The following SMYD3 variants were observed in gnomAD, a reference collection of about 807,000 sequenced individuals.
SMYD3 encodes histone-lysine N-methyltransferase SMYD3.
A neutral mutation model predicts 57.7 loss-of-function variants in SMYD3; 36 were observed. That is an observed-to-expected ratio of 0.62 (90% confidence interval 0.48 to 0.82). SMYD3 has a LOEUF of 0.82. Among genes scored for constraint, SMYD3 ranks in the 40% least tolerant of loss-of-function variants. The probability of loss-of-function intolerance (pLI) is 0.00; values close to 1 mark genes in which losing one functional copy is unlikely to be tolerated. For synonymous variants in SMYD3, 211 were observed against 195.0 expected, an observed-to-expected ratio of 1.08 and a Z score of -0.68; for missense variants, 515 against 538.8, an observed-to-expected ratio of 0.96 and a Z score of 0.44.
At chr1:245,799,263 C>T (rs904019623) in intron 10 of SMYD3, among the ~76,000 whole-genome samples, 8 of 152,254 alleles carry the variant, frequency 5.3e-5, no homozygotes, top group Middle Eastern at 3.4e-3. Context: ...AGAGAGGGGC[C>T]GAGGGGAGGG....
At chr1:246,145,066 G>A (rs1257873510) in intron 5 of SMYD3, among the ~76,000 whole-genome samples, 1 of 152,200 alleles carries the variant, frequency 6.6e-6, no homozygotes, top group Non-Finnish European at 1.5e-5. Context: ...TCAGGCTGGA[G>A]TACAGTGGCT....
At chr1:246,324,574 C>T (rs556742243) in intron 5 of SMYD3, among the ~76,000 whole-genome samples, 2 of 151,954 alleles carry the variant, frequency 1.3e-5, no homozygotes, top group African/African-American at 4.8e-5. Context: ...TTGTTGACAG[C>T]GTAAATTCAG....
intron 5 of SMYD3, among the ~76,000 whole-genome samples, chr1:246,154,431 C>G (rs546756233): frequency 6.6e-6 from 1 of 152,130 alleles, no homozygotes; most frequent in Non-Finnish European, 1.5e-5. Context: ...ATTTGACCCC[C>G]GCTCACGGCA....
intron 5 of SMYD3, among the ~76,000 whole-genome samples, chr1:246,257,588 C>T (rs767353352): frequency 6.6e-6 from 1 of 152,230 alleles, no homozygotes; most frequent in African/African-American, 2.4e-5. Context: ...CTACTCTGTG[C>T]CCTTTAAGTA....
chr1:246,196,741 T>TA (rs1316281808), intron 5 of SMYD3, among the ~76,000 whole-genome samples: 1 of 152,122 alleles, frequency 6.6e-6, no homozygotes, highest in African/African-American at 2.4e-5. Flanking sequence ...TCAAGCAGCT[T>TA]AAAAAATTTA....
intron 5 of SMYD3, among the ~76,000 whole-genome samples, chr1:245,986,878 G>A (rs2058716263): frequency 6.6e-6 from 1 of 152,210 alleles, no homozygotes; most frequent in African/African-American, 2.4e-5. Context: ...GGTGGATACA[G>A]CAAATAAACA....
chr1:246,443,960 C>T (rs1211415346), intron 1 of SMYD3, among the ~76,000 whole-genome samples: 6 of 152,022 alleles, frequency 3.9e-5, no homozygotes, highest in Non-Finnish European at 8.8e-5. Flanking sequence ...TAAACCCTCC[C>T]TCACCACCCA....
intron 5 of SMYD3, among the ~76,000 whole-genome samples, chr1:246,039,836 T>C (rs990289502): frequency 3.3e-5 from 5 of 152,220 alleles, no homozygotes; most frequent in African/African-American, 1.2e-4. Context: ...ATGACCTATA[T>C]TGTATTTCAA....
chr1:246,301,642 A>G (rs1037802739), intron 5 of SMYD3, among the ~76,000 whole-genome samples: 2 of 152,154 alleles, frequency 1.3e-5, no homozygotes, highest in African/African-American at 4.8e-5. Flanking sequence ...ACACAATAAC[A>G]TTTCTGACAT....
At position 245,858,641 on chromosome 1, in the gene SMYD3, C is replaced by T. The variant is rs201082329; in HGVS notation, c.931G>A (p.Ala311Thr). The T allele has an allele frequency of 1.2e-6, 2 of 1,614,204 alleles. No homozygotes were observed. Among genetic ancestry groups the T allele is most frequent in the Non-Finnish European group, 1.7e-6 (2 of 1,180,022 alleles). Reference protein sequence around the residue: ...KWEQVLAMCQAIISSNSERLP... With the variant: ...KWEQVLAMCQTIISSNSERLP... ...CGTTCAGAATTGCTGCTTATGATTGCCTGGCACATGGCCAGAACCTGCTCC... is the reference window on the plus strand; with the variant it reads ...CGTTCAGAATTGCTGCTTATGATTGTCTGGCACATGGCCAGAACCTGCTCC... Residue 311 changes from alanine (A) to threonine (T), a missense_variant, in exon 10 of 12, where the codon GCA becomes ACA. Coordinates refer to ENST00000490107, the MANE Select transcript of SMYD3 (RefSeq NM_001167740.2).
At chr1:245,825,039 A>G (rs572575996) in intron 10 of SMYD3, among the ~76,000 whole-genome samples, 1 of 152,272 alleles carries the variant, frequency 6.6e-6, no homozygotes, top group Admixed American at 6.5e-5. Flanking sequence ...TCAAAAGAAA[A>G]AAACCAAAAC....
intron 5 of SMYD3, among the ~76,000 whole-genome samples, chr1:245,984,451 A>G (rs570432057): frequency 6.6e-6 from 1 of 152,336 alleles, no homozygotes; most frequent in East Asian, 1.9e-4. Flanking sequence ...CCTCCTGTGC[A>G]AGGGCATGTG....
chr1:246,174,092 G>A (rs1484980436), intron 5 of SMYD3, among the ~76,000 whole-genome samples: 1 of 151,910 alleles, frequency 6.6e-6, no homozygotes, highest in Non-Finnish European at 1.5e-5. Flanking sequence ...CTACAGGCAT[G>A]AGCCACTGCA....
At chr1:245,902,784 G>A (rs1459780592) in intron 8 of SMYD3, among the ~76,000 whole-genome samples, 2 of 152,220 alleles carry the variant, frequency 1.3e-5, no homozygotes, top group African/African-American at 4.8e-5. Context: ...CCACAGTACT[G>A]TTCCTACCCA....
At chr1:245,841,717 T>C (rs1054464965) in intron 10 of SMYD3, among the ~76,000 whole-genome samples, 2 of 152,210 alleles carry the variant, frequency 1.3e-5, no homozygotes, top group Non-Finnish European at 2.9e-5. Flanking sequence ...AAACTTCAGG[T>C]AGAAAAATTG....
intron 5 of SMYD3, among the ~76,000 whole-genome samples, chr1:246,155,354 C>T (rs950641275): frequency 1.6e-4 from 24 of 152,168 alleles, no homozygotes; most frequent in African/African-American, 4.8e-4. Context: ...AGATAATGTT[C>T]GTCCCTTATT....
At chr1:245,761,258 G>A (rs2045831441) in intron 11 of SMYD3, among the ~76,000 whole-genome samples, 1 of 152,056 alleles carries the variant, frequency 6.6e-6, no homozygotes, top group Admixed American at 6.6e-5. Context: ...CTTCACCTTG[G>A]TACCAAGAAT....
intron 1 of SMYD3, among the ~76,000 whole-genome samples, chr1:246,437,637 T>A (rs2067399219): frequency 6.6e-6 from 1 of 152,218 alleles, no homozygotes; most frequent in African/African-American, 2.4e-5. Flanking sequence ...CGTGAATTTG[T>A]TTGCTAAAAG....
intron 1 of SMYD3, among the ~76,000 whole-genome samples, chr1:246,444,549 T>C (rs1214244049): frequency 6.6e-6 from 1 of 152,162 alleles, no homozygotes; most frequent in Non-Finnish European, 1.5e-5. Context: ...CTTTGTCAAG[T>C]GGGAGGAAAG....
Sources: allele counts gnomAD v4.1 joint callset (sites outside exome capture counted in the v4.1 genomes callset), GRCh38; gene constraint gnomAD v4.1.1; transcripts MANE v1.5; gene names NCBI Gene and HGNC (gene_info 2026-07-23, HGNC 2026-07-21).